CTNND2: variants seen among roughly 807,000 people sequenced by gnomAD.
CTNND2 encodes the protein catenin delta 2, also known as catenin delta-2.
A neutral mutation model predicts 144.4 loss-of-function variants in CTNND2; 22 were observed. That is an observed-to-expected ratio of 0.15 (90% CI 0.11 to 0.22). CTNND2 has a LOEUF of 0.22. CTNND2 is among the 10% of genes least tolerant of loss of function. The pLI is 1.00. For missense variants in CTNND2, 1,353 were observed against 1,618.8 expected, an observed-to-expected ratio of 0.84 and a Z score of 2.82; for synonymous variants, 751 against 695.6, an observed-to-expected ratio of 1.08 and a Z score of -1.25.
At chr5:11,084,812 C>T in intron 15 of CTNND2, among the ~76,000 whole-genome samples, 1 of 152,138 alleles carries the variant, frequency 6.6e-6, no homozygotes, top group East Asian at 1.9e-4. Flanking sequence ...AATTTAGGCA[C>T]AAAGATATTC....
chr5:11,721,291 G>A (rs1305291687), intron 2 of CTNND2, among the ~76,000 whole-genome samples: 1 of 152,092 alleles, frequency 6.6e-6, no homozygotes, highest in Non-Finnish European at 1.5e-5. Context: ...AAGTATAATA[G>A]TGGTTTCCTG....
chr5:11,034,597 G>C (rs986534290), intron 16 of CTNND2, among the ~76,000 whole-genome samples: 26 of 152,224 alleles, frequency 1.7e-4, no homozygotes, highest in African/African-American at 6.3e-4. Context: ...TTGGAGGAAG[G>C]ACATTGTGAG....
chr5:11,500,438 T>C (rs1284825876), intron 3 of CTNND2, among the ~76,000 whole-genome samples: 1 of 152,240 alleles, frequency 6.6e-6, no homozygotes, highest in African/African-American at 2.4e-5. Context: ...ATGTTCTCTG[T>C]ATTGAAATGG....
At chr5:11,538,128 G>T (rs1218883235) in intron 3 of CTNND2, among the ~76,000 whole-genome samples, 1 of 152,160 alleles carries the variant, frequency 6.6e-6, no homozygotes. Flanking sequence ...CTAGCATTTT[G>T]TCCATAAACC....
chr5:11,512,294 T>C (rs912923488), intron 3 of CTNND2, among the ~76,000 whole-genome samples: 1 of 152,238 alleles, frequency 6.6e-6, no homozygotes, highest in Non-Finnish European at 1.5e-5. Flanking sequence ...ATCCTATAAA[T>C]TGTGCGGTTA....
chr5:11,188,928 C>A (rs972789173), intron 11 of CTNND2, among the ~76,000 whole-genome samples: 2 of 152,186 alleles, frequency 1.3e-5, no homozygotes, highest in African/African-American at 4.8e-5. Flanking sequence ...CCTTTCTAAT[C>A]TCCTTAGCCT....
At chr5:10,996,377 G>T (rs1351120333) in intron 18 of CTNND2, among the ~76,000 whole-genome samples, 1 of 151,804 alleles carries the variant, frequency 6.6e-6, no homozygotes, top group Admixed American at 6.6e-5. Context: ...TTGAGGGAGG[G>T]GAGCGGAGAT....
chr5:11,214,149 T>C (rs1352973163), intron 10 of CTNND2, among the ~76,000 whole-genome samples: 1 of 152,130 alleles, frequency 6.6e-6, no homozygotes, highest in Non-Finnish European at 1.5e-5. Flanking sequence ...AGTTCTGGAG[T>C]GTACCAGATT....
intron 6 of CTNND2, among the ~76,000 whole-genome samples, chr5:11,385,434 AG>A (rs978437060): frequency 6.6e-6 from 1 of 152,182 alleles, no homozygotes; most frequent in African/African-American, 2.4e-5. Flanking sequence ...ACACTGGCAC[AG>A]GCCAGCTGAC....
At chr5:11,047,885 C>A (rs1282364853) in intron 16 of CTNND2, among the ~76,000 whole-genome samples, 1 of 152,172 alleles carries the variant, frequency 6.6e-6, no homozygotes, top group East Asian at 1.9e-4. Context: ...GGAGATGGGA[C>A]TCTCAGGTTT....
intron 3 of CTNND2, among the ~76,000 whole-genome samples, chr5:11,551,171 C>T (rs1775725589): frequency 6.6e-6 from 1 of 152,120 alleles, no homozygotes; most frequent in Non-Finnish European, 1.5e-5. Flanking sequence ...AATGGGTATG[C>T]TCAGTCTCCA....
At chr5:11,158,629 T>C (rs73051693) in intron 12 of CTNND2, among the ~76,000 whole-genome samples, 185 of 152,232 alleles carry the variant, frequency 1.2e-3, no homozygotes, top group African/African-American at 4.3e-3. Flanking sequence ...TGAATACTCA[T>C]GAGATGACGA....
chr5:11,325,468 TA>T (rs1752435917), intron 9 of CTNND2, among the ~76,000 whole-genome samples: 1 of 152,180 alleles, frequency 6.6e-6, no homozygotes, highest in African/African-American at 2.4e-5. Context: ...TTATGAATCT[TA>T]AACATTATTT....
At chr5:11,251,639 C>T (rs551014623) in intron 9 of CTNND2, among the ~76,000 whole-genome samples, 16 of 152,254 alleles carry the variant, frequency 1.1e-4, no homozygotes, top group African/African-American at 3.1e-4. Flanking sequence ...ACAGAGCAAA[C>T]GAATCGTCCT....
intron 18 of CTNND2, among the ~76,000 whole-genome samples, chr5:10,993,149 C>T (rs1436846400): frequency 6.6e-6 from 1 of 152,156 alleles, no homozygotes; most frequent in Non-Finnish European, 1.5e-5. Flanking sequence ...CGTTTACCTG[C>T]CTGTGTCCTT....
Position 11,903,257 on chromosome 5 carries a change from G to A in CTNND2, c.37+560C>T. ...CGAAACCTGTGAAGCCGGCTGCAAAGGCTTGCTGGGAAGCCGCTAAATATA... is the reference window on the plus strand; with the variant it reads ...CGAAACCTGTGAAGCCGGCTGCAAAAGCTTGCTGGGAAGCCGCTAAATATA... On this transcript the variant is annotated intron_variant, in intron 1 of 21. Transcript: ENST00000304623. The surrounding 1 kb of genome is among the most constrained non-coding windows in gnomAD (Gnocchi z 5.4). The A allele has an allele frequency of 4.1e-6, 4 of 985,474 alleles. No homozygotes were observed. The highest frequency in any genetic ancestry group is 4.8e-6 in the Non-Finnish European group (4 of 829,986). 61.0% of individuals were successfully genotyped at this position (985,474 alleles called of 1,614,324 possible). A position where few individuals can be genotyped will look rare whatever the true frequency, so the allele number is the denominator to read the frequency against.
At chr5:11,253,081 C>T (rs973222034) in intron 9 of CTNND2, among the ~76,000 whole-genome samples, 1 of 152,106 alleles carries the variant, frequency 6.6e-6, no homozygotes, top group African/African-American at 2.4e-5. Context: ...TATTCCAGGG[C>T]CCAGGGTCAG....
intron 9 of CTNND2, among the ~76,000 whole-genome samples, chr5:11,243,464 G>GC (rs1298013219): frequency 6.6e-5 from 10 of 152,204 alleles, no homozygotes; most frequent in Admixed American, 2.6e-4. Context: ...CCCAGCATGG[G>GC]CTCTCTAGAA....
chr5:11,776,090 A>C (rs34454992), intron 1 of CTNND2, among the ~76,000 whole-genome samples: 45 of 152,240 alleles, frequency 3.0e-4, no homozygotes, highest in Non-Finnish European at 5.7e-4. Flanking sequence ...TGGGTTTAGA[A>C]CTTCCAGCCT....
Sources: gnomAD v4.1 joint callset for allele counts (sites outside exome capture counted in the v4.1 genomes callset) on GRCh38, gnomAD v4.1.1 for gene constraint, Gnocchi (gnomAD v3.1) non-coding constraint, MANE v1.5 for transcripts, NCBI Gene and HGNC (gene_info 2026-07-23, HGNC 2026-07-21) for gene names.